The following GPATCH2 variants were observed in gnomAD, a reference collection of about 807,000 sequenced individuals.
The protein encoded by GPATCH2 is G-patch domain containing 2.
A neutral mutation model predicts 58.0 loss-of-function variants in GPATCH2; 51 were observed. The ratio of observed to expected loss-of-function variants is 0.88; its 90% CI spans 0.70 to 1.11. The LOEUF (loss-of-function observed/expected upper bound fraction) is 1.11, where lower values mean the gene tolerates loss of function less well. Ranked by LOEUF, GPATCH2 falls within the 50% of genes most tolerant of loss-of-function variation. The pLI is 0.00. For missense variants in GPATCH2, 625 were observed against 652.2 expected, an observed-to-expected ratio of 0.96 and a Z score of 0.45; for synonymous variants, 222 against 218.5, an observed-to-expected ratio of 1.02 and a Z score of -0.14.
Position 217,521,592 on chromosome 1 carries a change from G to C in GPATCH2, c.1099-6703C>G, listed in dbSNP as rs575599656. Among the ~76,000 whole-genome samples, 3 of 151,824 alleles carry C rather than the reference G, an allele frequency of 2.0e-5. No homozygotes were observed. The South Asian group carries it at 6.4e-4, about 32-fold the overall frequency. On this transcript the variant is annotated intron_variant, in intron 5 of 9. Transcript: ENST00000366935. ...GCACATATTATAGAAGGACTAACAAGAATAACAAACGGCTCCCCTACTAAT... is the reference window on the plus strand; with the variant it reads ...GCACATATTATAGAAGGACTAACAACAATAACAAACGGCTCCCCTACTAAT...
intron 5 of GPATCH2, among the ~76,000 whole-genome samples, chr1:217,598,681 C>T (rs988221870): frequency 5.1e-4 from 77 of 151,964 alleles, no homozygotes; most frequent in African/African-American, 1.6e-3. Flanking sequence ...TGGCCAGGCT[C>T]GTCTCAAACT....
At chr1:217,488,281 T>C (rs1661547710) in intron 8 of GPATCH2, among the ~76,000 whole-genome samples, 1 of 152,200 alleles carries the variant, frequency 6.6e-6, no homozygotes, top group African/African-American at 2.4e-5. Context: ...TAATTTTGTG[T>C]TACAGAAATT....
At chr1:217,448,410 T>C (rs576792013) in intron 9 of GPATCH2, among the ~76,000 whole-genome samples, 154 of 152,148 alleles carry the variant, frequency 1.0e-3, no homozygotes, top group Non-Finnish European at 1.7e-3. Flanking sequence ...GCTTGCTGCA[T>C]CACAAATCCA....
chr1:217,496,443 G>A (rs1187758846), intron 7 of GPATCH2, among the ~76,000 whole-genome samples: 1 of 151,906 alleles, frequency 6.6e-6, no homozygotes, highest in East Asian at 1.9e-4. Flanking sequence ...TGAGTTTTTT[G>A]GGTTTTTTGT....
At chr1:217,630,848 C>T in intron 1 of GPATCH2, 68 bp downstream of exon 1, 1 of 1,160,480 alleles carries the variant, frequency 8.6e-7, no homozygotes, top group Non-Finnish European at 1.2e-6. Flanking sequence ...CATTCCAGGT[C>T]CAGCGGAGCG....
intron 8 of GPATCH2, among the ~76,000 whole-genome samples, chr1:217,482,052 T>TGA (rs146272478): frequency 1.3e-5 from 2 of 149,988 alleles, no homozygotes; most frequent in African/African-American, 2.4e-5. Context: ...ATAAGTAAAC[T>TGA]GAGAGAGAGA....
intron 8 of GPATCH2, among the ~76,000 whole-genome samples, chr1:217,472,205 T>G (rs1209113620): frequency 2.0e-5 from 3 of 151,368 alleles, no homozygotes; most frequent in Non-Finnish European, 4.4e-5. Context: ...AGACTAATCA[T>G]AAGCATAAAA....
At chr1:217,586,666 T>C (rs912423206) in intron 5 of GPATCH2, among the ~76,000 whole-genome samples, 15 of 152,230 alleles carry the variant, frequency 9.9e-5, no homozygotes, top group African/African-American at 1.7e-4. Flanking sequence ...ACTAATATAG[T>C]TGTTTATTAT....
intron 9 of GPATCH2, among the ~76,000 whole-genome samples, chr1:217,435,693 T>A (rs1003712815): frequency 1.3e-5 from 2 of 152,234 alleles, no homozygotes; most frequent in Non-Finnish European, 2.9e-5. Context: ...AGGAACATTA[T>A]AACAATGATA....
intron 8 of GPATCH2, among the ~76,000 whole-genome samples, chr1:217,457,421 T>C (rs547908252): frequency 6.6e-6 from 1 of 152,376 alleles, no homozygotes; most frequent in South Asian, 2.1e-4. Flanking sequence ...AGAAATCATT[T>C]ATGTAAAACA....
At chr1:217,479,824 C>G (rs939157106) in intron 8 of GPATCH2, among the ~76,000 whole-genome samples, 3 of 151,972 alleles carry the variant, frequency 2.0e-5, no homozygotes, top group Non-Finnish European at 4.4e-5. Flanking sequence ...GAAAAAGATA[C>G]TCCATGCCAA....
intron 9 of GPATCH2, 70 bp from the exon 10 acceptor site, chr1:217,431,435 G>T (rs7520483): frequency 2.2e-6 from 2 of 904,838 alleles, no homozygotes; most frequent in African/African-American, 1.6e-5. Context: ...CTATGAAAAC[G>T]ATGTTCTCCT....
intron 5 of GPATCH2, among the ~76,000 whole-genome samples, chr1:217,604,125 A>G (rs1015965428): frequency 2.0e-5 from 3 of 151,686 alleles, no homozygotes; most frequent in African/African-American, 7.3e-5. Flanking sequence ...GCGAGGTGGA[A>G]GGATCACCTG....
At chr1:217,624,807 T>C (rs1483365817) in intron 1 of GPATCH2, among the ~76,000 whole-genome samples, 1 of 152,234 alleles carries the variant, frequency 6.6e-6, no homozygotes, top group East Asian at 1.9e-4. Flanking sequence ...ATATTCATAA[T>C]TGTAAGAGCC....
intron 5 of GPATCH2, among the ~76,000 whole-genome samples, chr1:217,588,784 T>G (rs1345901233): frequency 6.6e-6 from 1 of 152,162 alleles, no homozygotes; most frequent in East Asian, 1.9e-4. Context: ...TATTGTCAGC[T>G]GACATCAGTA....
At chr1:217,621,732 C>G (rs1417121234) in intron 1 of GPATCH2, among the ~76,000 whole-genome samples, 3 of 152,200 alleles carry the variant, frequency 2.0e-5, no homozygotes, top group Non-Finnish European at 4.4e-5. Flanking sequence ...CAGGCTTTTG[C>G]AAGTTCCTTA....
chr1:217,571,776 C>A (rs1216670666), intron 5 of GPATCH2, among the ~76,000 whole-genome samples: 2 of 150,250 alleles, frequency 1.3e-5, no homozygotes, highest in East Asian at 3.9e-4. Flanking sequence ...GCCTATAGTC[C>A]CAGCTACTTG....
intron 6 of GPATCH2, among the ~76,000 whole-genome samples, chr1:217,505,696 A>T (rs1662518472): frequency 6.6e-6 from 1 of 152,250 alleles, no homozygotes; most frequent in South Asian, 2.1e-4. Flanking sequence ...TTTTGGAGTC[A>T]GAGGCATAAT....
chr1:217,591,225 A>G (rs1318691881), intron 5 of GPATCH2, among the ~76,000 whole-genome samples: 2 of 152,168 alleles, frequency 1.3e-5, no homozygotes, highest in East Asian at 3.9e-4. Flanking sequence ...ATACATATGC[A>G]TATATATAAT....
Sources: allele counts gnomAD v4.1 joint callset (sites outside exome capture counted in the v4.1 genomes callset), GRCh38; gene constraint gnomAD v4.1.1; transcripts MANE v1.5; gene names NCBI Gene and HGNC (gene_info 2026-07-23, HGNC 2026-07-21).